Variants in HPCAL1 observed in about 807,000 individuals in gnomAD.
HPCAL1 encodes hippocalcin-like protein 1.
HPCAL1 carries 8 observed loss-of-function variants against 17.1 expected under a neutral mutation model. That is an observed-to-expected ratio of 0.47 (90% CI 0.27 to 0.84). HPCAL1 has a LOEUF of 0.84. Among genes scored for constraint, HPCAL1 ranks in the 40% least tolerant of loss-of-function variants. The pLI is 0.13. For synonymous variants in HPCAL1, 112 were observed against 111.4 expected (o/e 1.01, Z -0.03); for missense variants, 165 against 271.1 (o/e 0.61, Z 2.75).
chr2:10,362,411 C>T lies in HPCAL1; in HGVS notation c.-110-34424C>T, dbSNP rs1666578245. ...CCTGAGTCCTGGCTCCAGAGAGAGG[C>T]CAGCCTGAGCTCCTCCATGTCCTAC... On this transcript the variant is annotated intron_variant, in intron 1 of 4. Coordinates refer to ENST00000307845, the MANE Select transcript of HPCAL1 (RefSeq NM_002149.4). The surrounding 1 kb of genome is among the most constrained non-coding windows in gnomAD (Gnocchi z 5.0). 6.6e-6 allele frequency among the ~76,000 whole-genome samples: 1 copy of T among 152,144 alleles called. No individual in the cohort carries two copies. Among genetic ancestry groups the T allele is most frequent in the Admixed American group, 6.5e-5 (1 of 15,274 alleles).
chr2:10,364,354 C>A (rs1352762757), intron 1 of HPCAL1, among the ~76,000 whole-genome samples: 1 of 152,198 alleles, frequency 6.6e-6, no homozygotes, highest in Non-Finnish European at 1.5e-5. Context: ...TGAGGCCCCC[C>A]CTACTCTTTC....
At chr2:10,403,385 G>A (rs550328817) in intron 2 of HPCAL1, among the ~76,000 whole-genome samples, 2 of 151,956 alleles carry the variant, frequency 1.3e-5, no homozygotes, top group East Asian at 3.9e-4. Context: ...GTGTGACATA[G>A]CCACTGTCAC....
intron 1 of HPCAL1, among the ~76,000 whole-genome samples, chr2:10,313,185 C>T (rs138269106): frequency 6.6e-6 from 1 of 152,222 alleles, no homozygotes; most frequent in Non-Finnish European, 1.5e-5. Flanking sequence ...TCTTTCAGGC[C>T]CAGGAGTAAG....
intron 1 of HPCAL1, among the ~76,000 whole-genome samples, chr2:10,325,864 A>G (rs1663976526): frequency 6.6e-6 from 1 of 152,218 alleles, no homozygotes; most frequent in South Asian, 2.1e-4. Flanking sequence ...CACCATGGCC[A>G]TTTCCTTGCT....
intron 2 of HPCAL1, among the ~76,000 whole-genome samples, chr2:10,408,388 G>T (rs1223273579): frequency 6.6e-6 from 1 of 152,232 alleles, no homozygotes; most frequent in African/African-American, 2.4e-5. Context: ...CTCAACAACA[G>T]GTCATTGGCC....
At chr2:10,418,709 G>T (rs886167327) in intron 2 of HPCAL1, among the ~76,000 whole-genome samples, 1 of 152,162 alleles carries the variant, frequency 6.6e-6, no homozygotes, top group African/African-American at 2.4e-5. Flanking sequence ...ATAACATGAG[G>T]TGGTGCAGTG....
At chr2:10,390,027 G>A (rs1668589595) in intron 1 of HPCAL1, among the ~76,000 whole-genome samples, 1 of 152,232 alleles carries the variant, frequency 6.6e-6, no homozygotes, top group Non-Finnish European at 1.5e-5. Context: ...TGCCCTGGTA[G>A]TGGGAGTGGC....
chr2:10,396,659 G>A (rs927496540), intron 1 of HPCAL1, among the ~76,000 whole-genome samples, 176 bp from the exon 2 acceptor site: 34 of 152,216 alleles, frequency 2.2e-4, no homozygotes, highest in Non-Finnish European at 4.3e-4. Context: ...CCTTGGGCAT[G>A]TGCCCCTGTC....
chr2:10,325,403 G>A (rs1663946393), intron 1 of HPCAL1, among the ~76,000 whole-genome samples: 1 of 152,174 alleles, frequency 6.6e-6, no homozygotes, highest in African/African-American at 2.4e-5. Context: ...CGAGAACACC[G>A]GGACTCAGAG....
At chr2:10,345,203 CTCTT>C (rs1379131420) in intron 1 of HPCAL1, among the ~76,000 whole-genome samples, 1 of 151,962 alleles carries the variant, frequency 6.6e-6, no homozygotes, top group African/African-American at 2.4e-5. Context: ...GTCTGTCTGT[CTCTT>C]TCTTTCTGTC....
At chr2:10,381,899 C>T (rs1260465902) in intron 1 of HPCAL1, among the ~76,000 whole-genome samples, 1 of 152,142 alleles carries the variant, frequency 6.6e-6, no homozygotes, top group East Asian at 1.9e-4. Flanking sequence ...CCCTGTGATC[C>T]AACAATCATG....
At chr2:10,305,229 A>AT (rs992895188) in intron 1 of HPCAL1, among the ~76,000 whole-genome samples, 15 of 151,606 alleles carry the variant, frequency 9.9e-5, no homozygotes, top group Admixed American at 8.6e-4. Flanking sequence ...CCATAATAAT[A>AT]TTAAAAAAAA....
At chr2:10,405,986 A>T (rs1196834633) in intron 2 of HPCAL1, among the ~76,000 whole-genome samples, 1 of 152,100 alleles carries the variant, frequency 6.6e-6, no homozygotes, top group Non-Finnish European at 1.5e-5. Flanking sequence ...TAGTAATAGA[A>T]TTATTCTTGG....
At chr2:10,391,222 G>T (rs1318734456) in intron 1 of HPCAL1, among the ~76,000 whole-genome samples, 3 of 149,680 alleles carry the variant, frequency 2.0e-5, no homozygotes, top group East Asian at 4.7e-4. Context: ...TGGATTTGAG[G>T]CTGCCAGGGG....
At chr2:10,341,832 A>G (rs1163308110) in intron 1 of HPCAL1, among the ~76,000 whole-genome samples, 1 of 152,100 alleles carries the variant, frequency 6.6e-6, no homozygotes, top group African/African-American at 2.4e-5. Flanking sequence ...GAAAAGATCT[A>G]CAAGTTTGGG....
intron 2 of HPCAL1, among the ~76,000 whole-genome samples, chr2:10,399,146 T>C (rs1424486476): frequency 6.6e-6 from 1 of 150,470 alleles, no homozygotes; most frequent in Non-Finnish European, 1.5e-5. Flanking sequence ...TGGTCCGAGG[T>C]GTCCATTCCC....
intron 1 of HPCAL1, among the ~76,000 whole-genome samples, chr2:10,303,451 G>A (rs893818738): frequency 6.6e-6 from 1 of 152,208 alleles, no homozygotes; most frequent in Non-Finnish European, 1.5e-5. Flanking sequence ...GTGTGTCGGG[G>A]CGCAGTTGCT....
At chr2:10,319,670 C>T (rs1663550643) in intron 1 of HPCAL1, among the ~76,000 whole-genome samples, 2 of 151,876 alleles carry the variant, frequency 1.3e-5, no homozygotes, top group African/African-American at 4.8e-5. Context: ...GAGAGAGTAT[C>T]CCTGGGTAGG....
At chr2:10,403,305 T>A (rs898365752) in intron 2 of HPCAL1, among the ~76,000 whole-genome samples, 2 of 149,254 alleles carry the variant, frequency 1.3e-5, no homozygotes, top group Non-Finnish European at 1.5e-5. Context: ...TAGAGCTAGC[T>A]CATACCTCAG....
Sources: gnomAD v4.1 joint callset for allele counts (sites outside exome capture counted in the v4.1 genomes callset) on GRCh38, gnomAD v4.1.1 for gene constraint, Gnocchi (gnomAD v3.1) non-coding constraint, MANE v1.5 for transcripts, NCBI Gene and HGNC (gene_info 2026-07-23, HGNC 2026-07-21) for gene names.